NEB: variants seen among roughly 807,000 people sequenced by gnomAD.
The protein encoded by NEB is nebulin, also known as nemaline myopathy type 2.
Under a neutral mutation model 952.2 loss-of-function variants are expected in NEB, and 512 were observed. The ratio of observed to expected loss-of-function variants is 0.54; its 90% confidence interval spans 0.50 to 0.58. The LOEUF is 0.58. NEB is among the 20% of genes least tolerant of loss of function. The probability of loss-of-function intolerance (pLI) is 0.00; values close to 1 mark genes in which losing one functional copy is unlikely to be tolerated. For missense variants in NEB, 8,428 were observed against 9,231.1 expected, an observed-to-expected ratio of 0.91 and a Z score of 3.56; for synonymous variants, 2,900 against 3,149.8, an observed-to-expected ratio of 0.92 and a Z score of 2.66.
intron 81 of NEB, among the ~76,000 whole-genome samples, chr2:151,609,500 A>C (rs1277804203): frequency 1.3e-5 from 2 of 152,212 alleles, no homozygotes; most frequent in African/African-American, 4.8e-5. Flanking sequence ...AATTTTGCTG[A>C]ATTAGATTCC....
At chr2:151,535,667 T>G in intron 142 of NEB, 24 bp downstream of exon 142, 1 of 1,447,610 alleles carries the variant, frequency 6.9e-7, no homozygotes. Context: ...ATAGGCTTAA[T>G]TGGAGCAGTT....
At position 151,561,229 on chromosome 2, in the gene NEB, C is replaced by G. The variant is rs1273058692; in HGVS notation, c.19080G>C (p.Gln6360His). The G allele has an allele frequency of 1.2e-6, 2 of 1,608,264 alleles. No homozygotes were observed. Among genetic ancestry groups the G allele is most frequent in the Non-Finnish European group, 1.7e-6 (2 of 1,176,864 alleles). The change falls in exon 122 of 182, where the codon CAG (glutamine) becomes CAC (histidine). Residue 6360 changes from glutamine to histidine, a missense_variant. This residue lies in a region of NEB where 3,374 missense variants were observed against 3,651.5 expected (regional missense o/e 0.92). Coordinates refer to ENST00000397345, the MANE Select transcript of NEB (RefSeq NM_001164508.2). ...TDTPLYVTAVQSGINASEVKY... is the reference protein window; with the variant it reads ...TDTPLYVTAVHSGINASEVKY... ...GCACCTCACTGGCATTAATGCCACTCTGAACAGCAGTCACATAGAGGGGCG... is the reference window on the plus strand; with the variant it reads ...GCACCTCACTGGCATTAATGCCACTGTGAACAGCAGTCACATAGAGGGGCG...
chr2:151,575,570 A>G (rs2096798666), intron 107 of NEB, 125 bp downstream of exon 107: 1 of 705,410 alleles, frequency 1.4e-6, no homozygotes, highest in South Asian at 1.8e-5. Flanking sequence ...AGGGGTGACC[A>G]CAAGGAGTCT....
In NEB at chr2:151,540,779, G is replaced by A. The variant is rs1402628491; in HGVS notation, c.20705C>T (p.Thr6902Ile). Reference protein sequence around the residue: ...QSQYLYVELATKERPHHHAGN... With the variant: ...QSQYLYVELAIKERPHHHAGN... ...AGCGTGATGATGGGGTCTCTCTTTG[G>A]TGGCAAGTTCAACATACAGATACTG... The change falls in exon 137 of 182, where the codon ACC (threonine) becomes ATC (isoleucine). Residue 6902 changes from threonine (T) to isoleucine (I), a missense_variant. Transcript: ENST00000397345. The A allele has an allele frequency of 6.2e-6, 10 of 1,613,258 alleles. No individual in the cohort carries two copies. Among genetic ancestry groups the A allele is most frequent in the Admixed American group, 1.7e-5 (1 of 59,974 alleles).
intron 75 of NEB, among the ~76,000 whole-genome samples, chr2:151,616,468 C>T (rs1464570546): frequency 6.6e-6 from 1 of 152,026 alleles, no homozygotes; most frequent in Non-Finnish European, 1.5e-5. Context: ...ATGGGTGGAT[C>T]ACCTGAGGTC....
chr2:151,505,624 T>C, intron 164 of NEB, 54 bp from the exon 165 acceptor site: 2 of 1,399,336 alleles, frequency 1.4e-6, no homozygotes, highest in East Asian at 4.6e-5. Flanking sequence ...GGACTGTTAT[T>C]CTTCCCAACA....
chr2:151,527,587 T>C lies in NEB; in HGVS notation c.21736-2A>G, dbSNP rs1389892619. 2 of 1,608,372 alleles carry C rather than the reference T, an allele frequency of 1.2e-6. No individual in the cohort carries two copies. Among genetic ancestry groups the C allele is most frequent in the Non-Finnish European group, 1.7e-6 (2 of 1,176,450 alleles). On this transcript the variant is annotated splice_acceptor_variant, in intron 146 of 181. Coordinates refer to ENST00000397345, the MANE Select transcript of NEB (RefSeq NM_001164508.2). LOFTEE classifies it high-confidence loss of function. ...TTCGTACTGTTTCTTATAGTCCAGCTGTTTTTAACAGGAGAGAAAGGAATC... is the reference window on the plus strand; with the variant it reads ...TTCGTACTGTTTCTTATAGTCCAGCCGTTTTTAACAGGAGAGAAAGGAATC...
chr2:151,541,664 G>A (rs2094088956), intron 135 of NEB, 113 bp from the exon 136 acceptor site: 6 of 763,374 alleles, frequency 7.9e-6, no homozygotes, highest in South Asian at 1.7e-5. Context: ...CCACTGCAAC[G>A]ATTGCAGTTT....
intron 94 of NEB, 137 bp from the exon 95 acceptor site, chr2:151,592,275 TA>T (rs1245443918): frequency 2.4e-6 from 3 of 1,235,390 alleles, no homozygotes; most frequent in Non-Finnish European, 3.4e-6. Context: ...TATAATAAAT[TA>T]AAACTAACAT....
At chr2:151,557,138 AAAAG>A (rs1381233842) in intron 124 of NEB, among the ~76,000 whole-genome samples, 7 of 152,190 alleles carry the variant, frequency 4.6e-5, no homozygotes, top group Non-Finnish European at 1.5e-5. Context: ...AATAAAGAAG[AAAAG>A]AAAGAAGAAT....
At position 151,490,093 on chromosome 2, in the gene NEB, C is replaced by A. The variant is rs201934608; in HGVS notation, c.25298-16G>T. 7.3e-5 allele frequency: 114 copies of A among 1,571,730 alleles called. No homozygotes were observed. Among genetic ancestry groups the A allele is most frequent in the Non-Finnish European group, 9.0e-5 (104 of 1,149,318 alleles). On this transcript the variant is annotated splice_polypyrimidine_tract_variant and intron_variant, in intron 180 of 181. Transcript: ENST00000397345. ...TGTTTGTAAGCTGAAAAAAAGGGGG[C>A]AAATTCTTTATAAGAAGAAAAATGG...
chr2:151,662,482 G>A (rs2099159729), intron 45 of NEB, 141 bp from the exon 46 acceptor site: 1 of 641,840 alleles, frequency 1.6e-6, no homozygotes, highest in Non-Finnish European at 2.4e-6. Flanking sequence ...TTGAATATTG[G>A]TATTTAACCA....
intron 135 of NEB, among the ~76,000 whole-genome samples, chr2:151,541,979 A>G (rs1050766267): frequency 2.6e-5 from 4 of 152,102 alleles, no homozygotes; most frequent in African/African-American, 9.7e-5. Flanking sequence ...TTTCTCAGCC[A>G]AGTTGCCTGT....
At chr2:151,658,833 C>A (rs1376469124) in intron 47 of NEB, among the ~76,000 whole-genome samples, 1 of 152,048 alleles carries the variant, frequency 6.6e-6, no homozygotes, top group African/African-American at 2.4e-5. Flanking sequence ...AAGGAGTGCC[C>A]CCCTAGAACA....
rs139834989 is a variant in NEB, at chr2:151,574,070, T to C, written c.17013+1625A>G. On this transcript the variant is annotated intron_variant, in intron 107 of 181. Coordinates refer to ENST00000397345, the MANE Select transcript of NEB (RefSeq NM_001164508.2). ...CTTACTGCTAGCTCCGCCTCCTGGG[T>C]TTCACGCCATTCTCCTGCCTCAGTC... 6.6e-3 allele frequency among the ~76,000 whole-genome samples: 1,009 copies of C among 152,164 alleles called. 6 individuals carry two copies. The highest frequency in any genetic ancestry group is 9.2e-3 in the Non-Finnish European group (627 of 67,984).
chr2:151,666,870 C>CT (rs1253879689), intron 40 of NEB, among the ~76,000 whole-genome samples: 1 of 151,840 alleles, frequency 6.6e-6, no homozygotes, highest in East Asian at 1.9e-4. Context: ...TCAATGTATG[C>CT]TTTTTTATGA....
intron 76 of NEB, 186 bp downstream of exon 76, chr2:151,615,816 A>T (rs112856025): frequency 9.9e-6 from 5 of 507,424 alleles, no homozygotes; most frequent in Non-Finnish European, 1.7e-5. Flanking sequence ...TGATTGATTG[A>T]TGGGTATAAT....
At chr2:151,679,558 A>AG (rs2099399013) in intron 32 of NEB, among the ~76,000 whole-genome samples, 163 bp downstream of exon 32, 1 of 152,176 alleles carries the variant, frequency 6.6e-6, no homozygotes, top group Admixed American at 6.5e-5. Flanking sequence ...TTCCCTCCAG[A>AG]AAATTTAAAT....
chr2:151,687,635 G>A lies in NEB; in HGVS notation c.2514C>T (p.Asn838=), dbSNP rs962547010. The change falls in exon 26 of 182, where the codon AAC becomes AAT. Residue 838 remains asparagine, a synonymous_variant. Transcript: ENST00000397345. The part of the protein sequence containing the change: ...PLLAAKANTK[N]TSDVMYKKDY... ...CCCAGGCCACACTCACATCGCTGGT[G>A]TTCTTGGTGTTGGCTTTGGCTGCCA... 1.2e-6 allele frequency: 2 copies of A among 1,612,858 alleles called. No homozygotes were observed. Among genetic ancestry groups the A allele is most frequent in the Middle Eastern group, 1.6e-4 (1 of 6,062 alleles).
Sources: allele counts gnomAD v4.1 joint callset (sites outside exome capture counted in the v4.1 genomes callset), GRCh38; gene constraint gnomAD v4.1.1; regional missense constraint gnomAD v4.1.1; transcripts MANE v1.5; gene names NCBI Gene and HGNC (gene_info 2026-07-23, HGNC 2026-07-21).